Variants in PI15 observed in about 807,000 individuals in gnomAD.
PI15 encodes 25 kDa trypsin inhibitor.
PI15 carries 18 observed loss-of-function variants against 31.0 expected under a neutral mutation model. The observed-to-expected ratio is 0.58, with a 90% CI of 0.40 to 0.86. PI15 has a LOEUF of 0.86. Ranked by LOEUF, PI15 falls within the 40% of genes least tolerant of loss-of-function variation. PI15 has a pLI of 0.00. For synonymous variants in PI15, 118 were observed against 119.1 expected, an observed-to-expected ratio of 0.99 and a Z score of 0.06; for missense variants, 282 against 328.1, an observed-to-expected ratio of 0.86 and a Z score of 1.09.
At chr8:74,842,443 T>G (rs1378299439) in intron 2 of PI15, among the ~76,000 whole-genome samples, 1 of 152,178 alleles carries the variant, frequency 6.6e-6, no homozygotes, top group African/African-American at 2.4e-5. Context: ...AATAATGCCA[T>G]GACATTGAAC....
rs894105122 is a variant in PI15 at position 74,845,485 on chromosome 8, A to G, written c.629A>G (p.Asn210Ser). 2.5e-6 allele frequency: 4 copies of G among 1,603,474 alleles called. No individual in the cohort carries two copies. The highest frequency in any genetic ancestry group is 1.1e-5 in the South Asian group (1 of 90,848). ...CGACGTGCAGTTTACTTGGTATGCAACTATGCCCCAAAGTAAGTACCAGGT... is the reference window on the plus strand; with the variant it reads ...CGACGTGCAGTTTACTTGGTATGCAGCTATGCCCCAAAGTAAGTACCAGGT... ...VWRRAVYLVC[N>S]YAPKGNWIGE... is the part of the protein sequence containing the mutation. Residue 210 changes from asparagine (N) to serine (S), a missense_variant, in exon 5 of 6, where the codon AAC becomes AGC. By Grantham distance (46) the Asn-to-Ser change is conservative (BLOSUM62 1). Coordinates refer to ENST00000260113, the MANE Select transcript of PI15 (RefSeq NM_015886.5).
chr8:74,848,469 T>C (rs1811055264), intron 5 of PI15, among the ~76,000 whole-genome samples: 1 of 151,458 alleles, frequency 6.6e-6, no homozygotes, highest in Admixed American at 6.6e-5. Flanking sequence ...CCAGAAAATA[T>C]TAGTTTGTTT....
chr8:74,834,793 G>A (rs772305758), intron 2 of PI15, among the ~76,000 whole-genome samples: 41 of 152,078 alleles, frequency 2.7e-4, no homozygotes, highest in Non-Finnish European at 4.1e-4. Flanking sequence ...GAGATGCCTA[G>A]AATTTATGTG....
intron 3 of PI15, 76 bp downstream of exon 3, chr8:74,844,175 A>G (rs920123768): frequency 2.7e-5 from 21 of 770,276 alleles, no homozygotes; most frequent in Non-Finnish European, 4.3e-5. Context: ...AATTTCATCA[A>G]TTTCAAGTAA....
At chr8:74,828,698 C>A (rs1451040765) in intron 2 of PI15, among the ~76,000 whole-genome samples, 2 of 152,176 alleles carry the variant, frequency 1.3e-5, no homozygotes, top group Non-Finnish European at 2.9e-5. Flanking sequence ...GTGCTGTGAT[C>A]ACCAGCTGTG....
At chr8:74,828,354 A>G (rs1431338743) in intron 2 of PI15, among the ~76,000 whole-genome samples, 1 of 152,076 alleles carries the variant, frequency 6.6e-6, no homozygotes, top group Non-Finnish European at 1.5e-5. Flanking sequence ...AGTTAGAAAA[A>G]TGTGCTCAAT....
rs554538271 is a variant in PI15 at position 74,851,162 on chromosome 8, C to T, written c.*1909C>T. 3 of 152,538 alleles carry T rather than the reference C, an allele frequency of 2.0e-5. No homozygotes were observed. The East Asian group carries it at 5.8e-4, about 29-fold the overall frequency. The allele number at this position is 152,538 out of a possible 1,614,324, so 9.4% of individuals were successfully genotyped here. On this transcript the variant is annotated 3_prime_UTR_variant, in exon 6 of 6. Transcript: ENST00000260113. ...TTTGTGGGCACATATGTAGACACTA[C>T]TAAAAATAAATATTTTTGGAGATTA...
chr8:74,843,990 G>T lies in PI15; in HGVS notation c.283G>T (p.Glu95Ter), dbSNP rs781122007. ...AANMEYMVWD[E>*]NLAKSAEAWA... Reference sequence around the variant, plus strand: ...TTTTTTTCCCCTACAGGTTTGGGATGAAAATCTTGCAAAATCGGCAGAGGC... The same window carrying T: ...TTTTTTTCCCCTACAGGTTTGGGATTAAAATCTTGCAAAATCGGCAGAGGC... Residue 95 changes from glutamate to a stop codon, truncating the protein, a stop_gained, in exon 3 of 6, where the codon GAA becomes TAA. Transcript: ENST00000260113. LOFTEE classifies it high-confidence loss of function. 1.3e-6 allele frequency: 2 copies of T among 1,565,864 alleles called. No homozygotes were observed. Among genetic ancestry groups the T allele is most frequent in the South Asian group, 2.2e-5 (2 of 90,168 alleles).
At chr8:74,825,640 A>G (rs1056038663) in intron 2 of PI15, 118 bp downstream of exon 2, 31 of 789,834 alleles carry the variant, frequency 3.9e-5, no homozygotes, top group Non-Finnish European at 4.3e-5. Context: ...GACTTTTTAC[A>G]TATTTTAACC....
rs1268198266 is a variant in PI15, at chr8:74,850,824, A to C, written c.*1571A>C. On this transcript the variant is annotated 3_prime_UTR_variant, in exon 6 of 6. Coordinates refer to ENST00000260113, the MANE Select transcript of PI15 (RefSeq NM_015886.5). ...ACATCTTAGTCCAGACATTTAACATACTGCATTTCAAGTACATGTGTGTGT... is the reference window on the plus strand; with the variant it reads ...ACATCTTAGTCCAGACATTTAACATCCTGCATTTCAAGTACATGTGTGTGT... The C allele has an allele frequency of 1.3e-5, 2 of 152,162 alleles. No individual in the cohort carries two copies. The highest frequency in any genetic ancestry group is 6.5e-5 in the Admixed American group (1 of 15,274). The allele number at this position is 152,162 out of a possible 1,614,324, so 9.4% of individuals were successfully genotyped here. A position where few individuals can be genotyped will look rare whatever the true frequency, so the allele number is the denominator to read the frequency against.
intron 2 of PI15, among the ~76,000 whole-genome samples, chr8:74,843,503 G>A (rs1403668406): frequency 2.6e-5 from 4 of 152,160 alleles, no homozygotes; most frequent in Non-Finnish European, 5.9e-5. Flanking sequence ...CAAGGCGGGT[G>A]GATCACTTGA....
At chr8:74,828,021 T>A (rs2128763349) in intron 2 of PI15, among the ~76,000 whole-genome samples, 1 of 152,238 alleles carries the variant, frequency 6.6e-6, no homozygotes, top group East Asian at 1.9e-4. Flanking sequence ...ATTTATTAAA[T>A]ATTTAATATT....
chr8:74,844,534 A>G (rs1810996113), intron 3 of PI15, among the ~76,000 whole-genome samples: 1 of 151,984 alleles, frequency 6.6e-6, no homozygotes, highest in Admixed American at 6.6e-5. Context: ...ATATACAATA[A>G]AAATGTAGGC....
rs575068323 is a variant in PI15 at position 74,851,582 on chromosome 8, T to C, written c.*2329T>C. The stretch of plus-strand genomic sequence containing the variant: ...ATTAAATTTTTCATGAGCCCCTCTT[T>C]GGCAGGAACTCTGTTTAATTCTTTG... On this transcript the variant is annotated 3_prime_UTR_variant, in exon 6 of 6. Transcript: ENST00000260113. 68 of 152,212 alleles carry C rather than the reference T, an allele frequency of 4.5e-4. No homozygotes were observed. Among genetic ancestry groups the C allele is most frequent in the African/African-American group, 1.5e-3 (64 of 41,582 alleles). 9.4% of individuals were successfully genotyped at this position (152,212 alleles called of 1,614,324 possible).
At chr8:74,844,479 G>T (rs990871724) in intron 3 of PI15, among the ~76,000 whole-genome samples, 8 of 151,534 alleles carry the variant, frequency 5.3e-5, no homozygotes, top group Admixed American at 4.6e-4. Flanking sequence ...GTATGCATAT[G>T]AGTGCAACTT....
In PI15 at chr8:74,853,818, G is replaced by A. The variant is rs1811140544; in HGVS notation, c.*4565G>A. The A allele has an allele frequency of 6.6e-6, 1 of 151,680 alleles. No homozygotes were observed. Among genetic ancestry groups the A allele is most frequent in the Non-Finnish European group, 1.5e-5 (1 of 67,886 alleles). The allele number at this position is 151,680 out of a possible 1,614,324, so 9.4% of individuals were successfully genotyped here. ...ATGTTTTCCATGATTTTCCAGTTCT[G>A]AGGCACTTATTAAAGTGCTTTTTTT... On this transcript the variant is annotated 3_prime_UTR_variant, in exon 6 of 6. Transcript: ENST00000260113.
intron 2 of PI15, among the ~76,000 whole-genome samples, chr8:74,835,216 T>A (rs577755483): frequency 6.6e-6 from 1 of 152,238 alleles, no homozygotes; most frequent in South Asian, 2.1e-4. Context: ...TTTTTAAAAA[T>A]TTTGGATTTT....
At chr8:74,836,898 C>T (rs1288017131) in intron 2 of PI15, among the ~76,000 whole-genome samples, 1 of 152,014 alleles carries the variant, frequency 6.6e-6, no homozygotes, top group Non-Finnish European at 1.5e-5. Context: ...CCAGTGAAGA[C>T]AACTCTCTCA....
In PI15 at chr8:74,851,412, G is replaced by A. The variant is rs1262541640; in HGVS notation, c.*2159G>A. ...CCAATTTTGTTGCTGAATTGCTTCT[G>A]TGAGTTCACTTTTCAGTTCTAAGGA... is the stretch of plus-strand genomic sequence containing the variant. On this transcript the variant is annotated 3_prime_UTR_variant, in exon 6 of 6. Coordinates refer to ENST00000260113, the MANE Select transcript of PI15 (RefSeq NM_015886.5). 6.6e-6 allele frequency: 1 copy of A among 152,004 alleles called. No individual in the cohort carries two copies. Among genetic ancestry groups the A allele is most frequent in the African/African-American group, 2.4e-5 (1 of 41,426 alleles). 9.4% of individuals were successfully genotyped at this position (152,004 alleles called of 1,614,324 possible).
Sources: gnomAD v4.1 joint callset for allele counts (sites outside exome capture counted in the v4.1 genomes callset) on GRCh38, gnomAD v4.1.1 for gene constraint, MANE v1.5 for transcripts, NCBI Gene and HGNC (gene_info 2026-07-23, HGNC 2026-07-21) for gene names.